The following COBL variants were observed in gnomAD, a reference collection of about 807,000 sequenced individuals.
The protein encoded by COBL is cordon-bleu WH2 repeat protein.
COBL carries 51 observed loss-of-function variants against 98.8 expected under a neutral mutation model. The observed-to-expected ratio is 0.52, with a 90% CI of 0.41 to 0.65. The LOEUF is 0.65. COBL is among the 30% of genes least tolerant of loss of function. The pLI, the probability that COBL is intolerant of heterozygous loss-of-function variation, is 0.00. For synonymous variants in COBL, 634 were observed against 651.7 expected, an observed-to-expected ratio of 0.97 and a Z score of 0.41; for missense variants, 1,617 against 1,617.5, an observed-to-expected ratio of 1.00 and a Z score of 0.01.
chr7:51,316,493 G>A, intron 1 of COBL, 100 bp downstream of exon 1: 2 of 882,076 alleles, frequency 2.3e-6, no homozygotes, highest in Non-Finnish European at 2.9e-6. Context: ...CCGCTGGGGC[G>A]GCAGAGAGGG....
At chr7:51,078,615 A>T (rs1793315607) in intron 7 of COBL, among the ~76,000 whole-genome samples, 1 of 152,230 alleles carries the variant, frequency 6.6e-6, no homozygotes, top group African/African-American at 2.4e-5. Flanking sequence ...TAGAGGCTTA[A>T]AACAGTAAGC....
intron 6 of COBL, among the ~76,000 whole-genome samples, chr7:51,095,983 A>T (rs1795238580): frequency 6.6e-6 from 1 of 152,222 alleles, no homozygotes; most frequent in South Asian, 2.1e-4. Context: ...TAGATTAACC[A>T]GAGAGATCCA....
At chr7:51,229,335 A>G (rs921002422) in intron 1 of COBL, among the ~76,000 whole-genome samples, 19 of 152,370 alleles carry the variant, frequency 1.2e-4, no homozygotes, top group African/African-American at 4.6e-4. Flanking sequence ...GCAGAAAGAC[A>G]GTGAGTGAAT....
intron 2 of COBL, among the ~76,000 whole-genome samples, chr7:51,195,506 T>C (rs779385578): frequency 1.8e-4 from 27 of 152,302 alleles, no homozygotes; most frequent in Middle Eastern, 3.4e-3. Context: ...GGTTTGTTTT[T>C]TGGTTCTTTG....
At chr7:51,236,563 A>G (rs1795277154) in intron 1 of COBL, among the ~76,000 whole-genome samples, 1 of 152,172 alleles carries the variant, frequency 6.6e-6, no homozygotes, top group South Asian at 2.1e-4. Flanking sequence ...TGTTCTCATC[A>G]GCCAGAACCA....
chr7:51,147,836 C>T (rs887951437), intron 5 of COBL, among the ~76,000 whole-genome samples: 19 of 151,756 alleles, frequency 1.3e-4, no homozygotes, highest in South Asian at 2.1e-4. Context: ...CTGCAAGCTC[C>T]GCCTCCCAGG....
rs537424407 is a variant in COBL, at chr7:51,091,230, C to CA, written c.958-5927dup. Among the ~76,000 whole-genome samples the CA allele has an allele frequency of 5.3e-5, 8 of 151,888 alleles. No individual in the cohort carries two copies. The East Asian group carries it at 1.2e-3, about 22-fold the overall frequency. ...AATGGAAATCTATGGCCAGAAAAGA[C>CA]AAAAAAATTAAAGTTCAGTGCACTA... On this transcript the variant is annotated intron_variant, in intron 6 of 12. Coordinates refer to ENST00000265136, the MANE Select transcript of COBL (RefSeq NM_015198.5).
At chr7:51,071,723 G>A (rs1347476391) in intron 7 of COBL, 1 of 152,094 alleles carries the variant, frequency 6.6e-6, no homozygotes, top group Non-Finnish European at 1.5e-5. Context: ...CAGCATAATA[G>A]CTACTTCTTA....
At chr7:51,207,996 C>T (rs1429471997) in intron 2 of COBL, among the ~76,000 whole-genome samples, 1 of 149,488 alleles carries the variant, frequency 6.7e-6, no homozygotes, top group Non-Finnish European at 1.5e-5. Flanking sequence ...AGAGCCTCTT[C>T]CCGGCCGCCA....
intron 5 of COBL, among the ~76,000 whole-genome samples, chr7:51,173,017 G>T (rs1788031043): frequency 2.0e-5 from 3 of 152,004 alleles, no homozygotes; most frequent in Admixed American, 2.0e-4. Context: ...TCGAACTCCT[G>T]ACCTTGGGTG....
At chr7:51,293,142 G>A (rs1372332839) in intron 1 of COBL, among the ~76,000 whole-genome samples, 3 of 152,146 alleles carry the variant, frequency 2.0e-5, no homozygotes, top group Non-Finnish European at 4.4e-5. Flanking sequence ...TTTTGTAGTT[G>A]TTTGTTTGCT....
intron 2 of COBL, among the ~76,000 whole-genome samples, chr7:51,204,521 C>T (rs974244456): frequency 6.7e-6 from 1 of 150,098 alleles, no homozygotes; most frequent in African/African-American, 2.5e-5. Flanking sequence ...TTTAAAGTTG[C>T]TTATTATAAA....
Position 51,206,491 on chromosome 7 carries a change from C to CA in COBL, c.246-12903dup, listed in dbSNP as rs1216887855. On this transcript the variant is annotated intron_variant, in intron 2 of 12. Coordinates refer to ENST00000265136, the MANE Select transcript of COBL (RefSeq NM_015198.5). ...TGGTTGACAGAGCGAGACTCTGTCT[C>CA]AAAAAAAAAAAAAAAGAAAGAAAAT... Among the ~76,000 whole-genome samples, 826 of 100,984 alleles carry CA rather than the reference C, an allele frequency of 8.2e-3. 9 individuals are homozygous for CA. Among genetic ancestry groups the CA allele is most frequent in the African/African-American group, 0.021 (549 of 25,692 alleles). The allele number at this position is 100,984 out of a possible 152,430, so 66.2% of individuals were successfully genotyped here. A position where few individuals can be genotyped will look rare whatever the true frequency, so the allele number is the denominator to read the frequency against.
chr7:51,064,102 T>C (rs1471948296), intron 7 of COBL, among the ~76,000 whole-genome samples: 3 of 152,186 alleles, frequency 2.0e-5, no homozygotes, highest in Non-Finnish European at 4.4e-5. Context: ...GATTATCCAA[T>C]CAAACACAGT....
At chr7:51,246,770 T>G (rs1796304402) in intron 1 of COBL, among the ~76,000 whole-genome samples, 1 of 152,246 alleles carries the variant, frequency 6.6e-6, no homozygotes, top group Admixed American at 6.5e-5. Flanking sequence ...CTTGCAGACT[T>G]CTTCCAGAGT....
intron 1 of COBL, among the ~76,000 whole-genome samples, chr7:51,252,700 G>A (rs1490311558): frequency 6.6e-6 from 1 of 152,188 alleles, no homozygotes; most frequent in Admixed American, 6.5e-5. Flanking sequence ...TTGGCACATA[G>A]TATCAGGTTG....
chr7:51,085,301 A>T lies in COBL; in HGVS notation c.961T>A (p.Ser321Thr), dbSNP rs781241652. The change falls in exon 7 of 13, where the codon TCT (serine) becomes ACT (threonine). Residue 321 changes from serine to threonine, a missense_variant. Physicochemically the swap from Ser to Thr is moderately conservative, Grantham distance 58. Around this residue, in one of 3 missense-constraint regions of COBL, gnomAD observed 1,304 missense variants for 1,282.0 expected, o/e 1.02. Transcript: ENST00000265136. ...PVQDKASEKVSLGSQIDLQKK... is the reference protein window; with the variant it reads ...PVQDKASEKVTLGSQIDLQKK... Reference sequence around the variant, plus strand: ...TGTAAATCAATCTGTGACCCAAGAGATACCTATGAAGTACAAAGAAGGAAA... The same window carrying T: ...TGTAAATCAATCTGTGACCCAAGAGTTACCTATGAAGTACAAAGAAGGAAA... 9.7e-6 allele frequency: 15 copies of T among 1,552,840 alleles called. No individual in the cohort carries two copies. Among genetic ancestry groups the T allele is most frequent in the Non-Finnish European group, 1.3e-5 (15 of 1,150,300 alleles).
chr7:51,187,355 C>CAT (rs1486053196), intron 4 of COBL, among the ~76,000 whole-genome samples: 1 of 149,106 alleles, frequency 6.7e-6, no homozygotes, highest in African/African-American at 2.5e-5. Flanking sequence ...CACACACACA[C>CAT]ATATATCTAT....
At chr7:51,144,088 C>T (rs1286228475) in intron 5 of COBL, among the ~76,000 whole-genome samples, 1 of 152,154 alleles carries the variant, frequency 6.6e-6, no homozygotes, top group Non-Finnish European at 1.5e-5. Context: ...GGGACTGTCC[C>T]AGGCTAGCAG....
Sources: gnomAD v4.1 joint callset for allele counts (sites outside exome capture counted in the v4.1 genomes callset) on GRCh38, gnomAD v4.1.1 for gene constraint, gnomAD v4.1.1 regional missense constraint, MANE v1.5 for transcripts, NCBI Gene and HGNC (gene_info 2026-07-23, HGNC 2026-07-21) for gene names.